Variants in UBQLN4 observed in about 807,000 individuals in gnomAD.
UBQLN4 encodes ubiquilin-4.
Under a neutral mutation model 60.4 loss-of-function variants are expected in UBQLN4, and 11 were observed. The ratio of observed to expected loss-of-function variants is 0.18; its 90% CI spans 0.11 to 0.30. The LOEUF (loss-of-function observed/expected upper bound fraction) is 0.30. Among genes scored for constraint, UBQLN4 ranks in the 10% least tolerant of loss-of-function variants. UBQLN4 has a pLI of 1.00. For synonymous variants in UBQLN4, 258 were observed against 313.1 expected (o/e 0.82, Z 1.86); for missense variants, 417 against 795.5 (o/e 0.52, Z 5.72).
chr1:156,046,391 G>A (rs757206319), intron 5 of UBQLN4, among the ~76,000 whole-genome samples: 6 of 151,270 alleles, frequency 4.0e-5, no homozygotes, highest in Admixed American at 6.6e-5. Context: ...CCAGCTACTC[G>A]GGAGGCTGAG....
At position 156,036,533 on chromosome 1, in the gene UBQLN4, G is replaced by C; in HGVS notation, c.*445C>G. ...AAATTCTAGCATTGGTTGGGCTAGG[G>C]GTTGGGGGGTAGGGAGAAAAAGAAG... is the stretch of plus-strand genomic sequence containing the variant. On this transcript the variant is annotated 3_prime_UTR_variant, in exon 11 of 11. Coordinates refer to ENST00000368309, the MANE Select transcript of UBQLN4 (RefSeq NM_020131.5). 1.0e-6 allele frequency: 1 copy of C among 987,776 alleles called. No homozygotes were observed. The highest frequency in any genetic ancestry group is 1.2e-6 in the Non-Finnish European group (1 of 831,304). The allele number at this position is 987,776 out of a possible 1,614,324, so 61.2% of individuals were successfully genotyped here.
At chr1:156,038,746 A>C (rs1222917725) in intron 10 of UBQLN4, among the ~76,000 whole-genome samples, 1 of 150,734 alleles carries the variant, frequency 6.6e-6, no homozygotes, top group Non-Finnish European at 1.5e-5. Flanking sequence ...GTCTCAAGTG[A>C]TCCTCCTGCC....
downstream of UBQLN4, among the ~76,000 whole-genome samples, chr1:156,034,855 ATATATATATATATAT>A (rs1558083172): frequency 1.8e-5 from 2 of 112,414 alleles, no homozygotes; most frequent in Non-Finnish European, 3.8e-5. Flanking sequence ...ATATATATAT[ATATATATATATATAT>A]AATTTTTTTT....
chr1:156,033,839 C>T (rs957167526), downstream of UBQLN4, among the ~76,000 whole-genome samples: 8 of 144,108 alleles, frequency 5.6e-5, no homozygotes, highest in African/African-American at 2.1e-4. Flanking sequence ...AGTGAAACTC[C>T]ATCTTGAAAA....
chr1:156,038,402 G>C (rs973505461), intron 10 of UBQLN4, among the ~76,000 whole-genome samples: 1 of 147,764 alleles, frequency 6.8e-6, no homozygotes, highest in South Asian at 2.2e-4. Flanking sequence ...GCTCATGCCT[G>C]TAATCCCAGC....
chr1:156,050,026 T>G lies in UBQLN4; in HGVS notation c.741+265A>C, dbSNP rs1224029491. On this transcript the variant is annotated intron_variant, in intron 4 of 10. Coordinates refer to ENST00000368309, the MANE Select transcript of UBQLN4 (RefSeq NM_020131.5). The surrounding 1 kb of genome is among the most constrained non-coding windows in gnomAD (Gnocchi z 4.6). ...AGCCTTAGGGTAGGGTCAGGAGCTCTTCTCTATGCTCCTAGAGGATCCCAT... is the reference window on the plus strand; with the variant it reads ...AGCCTTAGGGTAGGGTCAGGAGCTCGTCTCTATGCTCCTAGAGGATCCCAT... Among the ~76,000 whole-genome samples the G allele has an allele frequency of 6.6e-6, 1 of 152,228 alleles. No individual in the cohort carries two copies. Among genetic ancestry groups the G allele is most frequent in the Non-Finnish European group, 1.5e-5 (1 of 68,038 alleles).
intron 5 of UBQLN4, among the ~76,000 whole-genome samples, chr1:156,045,465 T>C (rs905390610): frequency 2.0e-5 from 3 of 152,266 alleles, no homozygotes; most frequent in Non-Finnish European, 4.4e-5. Flanking sequence ...CTACCCACAG[T>C]GATAACAACC....
chr1:156,042,375 G>C (rs896806420), intron 7 of UBQLN4, 139 bp from the exon 8 acceptor site: 6 of 1,434,626 alleles, frequency 4.2e-6, no homozygotes, highest in African/African-American at 2.9e-5. Flanking sequence ...GTATCCTGAA[G>C]GCCTAAGTGG....
In UBQLN4 at chr1:156,048,779, C is replaced by G; in HGVS notation, c.742-120G>C. 1 of 1,111,692 alleles carries G rather than the reference C, an allele frequency of 9.0e-7. No homozygotes were observed. Among genetic ancestry groups the G allele is most frequent in the Non-Finnish European group, 1.3e-6 (1 of 784,788 alleles). The allele number at this position is 1,111,692 out of a possible 1,614,324, so 68.9% of individuals were successfully genotyped here. A position where few individuals can be genotyped will look rare whatever the true frequency, so the allele number is the denominator to read the frequency against. On this transcript the variant is annotated intron_variant, in intron 4 of 10. Coordinates refer to ENST00000368309, the MANE Select transcript of UBQLN4 (RefSeq NM_020131.5). This position sits in a 1 kb window ranked among gnomAD's most constrained non-coding sequence, Gnocchi z 4.9. The stretch of plus-strand genomic sequence containing the variant: ...ATCAGGACCAGGGCCCAGGAACTGC[C>G]CCACAGTGACAGGGAGTAGAGTAAA...
At chr1:156,047,909 A>G (rs1049038587) in intron 5 of UBQLN4, among the ~76,000 whole-genome samples, 2 of 151,132 alleles carry the variant, frequency 1.3e-5, no homozygotes, top group Non-Finnish European at 3.0e-5. Flanking sequence ...AAAAAAAAAA[A>G]GAAAGAAAGA....
At position 156,048,700 on chromosome 1, in the gene UBQLN4, G is replaced by C; in HGVS notation, c.742-41C>G. ...AGACAAAATGGGCCCCGGAACCAGG[G>C]GAGCACCAACCTAGGAAAAGGGTGG... On this transcript the variant is annotated intron_variant, in intron 4 of 10. Transcript: ENST00000368309. This position sits in a 1 kb window ranked among gnomAD's most constrained non-coding sequence, Gnocchi z 4.9. The C allele has an allele frequency of 6.3e-7, 1 of 1,597,132 alleles. No homozygotes were observed. Among genetic ancestry groups the C allele is most frequent in the South Asian group, 1.1e-5 (1 of 90,322 alleles).
chr1:156,052,775 T>C (rs1683907415), intron 1 of UBQLN4, among the ~76,000 whole-genome samples: 1 of 152,212 alleles, frequency 6.6e-6, no homozygotes, highest in South Asian at 2.1e-4. Flanking sequence ...TTCAGCTTTG[T>C]AGGGAACATA....
chr1:156,052,801 G>A (rs1346412919), intron 1 of UBQLN4, among the ~76,000 whole-genome samples: 1 of 152,156 alleles, frequency 6.6e-6, no homozygotes, highest in African/African-American at 2.4e-5. Flanking sequence ...TTTAAATTCT[G>A]AAATTTAGTA....
In UBQLN4 at chr1:156,048,700, G is replaced by A. The variant is rs1268417838; in HGVS notation, c.742-41C>T. 1.9e-6 allele frequency: 3 copies of A among 1,597,132 alleles called. No individual in the cohort carries two copies. The highest frequency in any genetic ancestry group is 1.7e-5 in the Admixed American group (1 of 59,486). On this transcript the variant is annotated intron_variant, in intron 4 of 10. Coordinates refer to ENST00000368309, the MANE Select transcript of UBQLN4 (RefSeq NM_020131.5). This position sits in a 1 kb window ranked among gnomAD's most constrained non-coding sequence, Gnocchi z 4.9. ...AGACAAAATGGGCCCCGGAACCAGG[G>A]GAGCACCAACCTAGGAAAAGGGTGG...
At chr1:156,052,584 A>G (rs1683901343) in intron 1 of UBQLN4, among the ~76,000 whole-genome samples, 1 of 152,166 alleles carries the variant, frequency 6.6e-6, no homozygotes, top group Non-Finnish European at 1.5e-5. Context: ...TCAGACTCCC[A>G]AAGTGCTGGG....
At chr1:156,051,937 T>C in intron 1 of UBQLN4, 80 bp from the exon 2 acceptor site, 1 of 1,559,388 alleles carries the variant, frequency 6.4e-7, no homozygotes, top group East Asian at 2.3e-5. Context: ...TTCAACACCT[T>C]CTGCACTCTC....
Position 156,044,116 on chromosome 1 carries a change from C to G in UBQLN4, c.1008G>C (p.Ser336=), listed in dbSNP as rs763483446. 6.3e-7 allele frequency: 1 copy of G among 1,585,468 alleles called. No homozygotes were observed. Among genetic ancestry groups the G allele is most frequent in the Non-Finnish European group, 8.6e-7 (1 of 1,166,234 alleles). The stretch of plus-strand genomic sequence containing the variant: ...ACCCGGGGGCCTGGGAGGTGGGGGG[C>G]GAGGGGCTCCAGGGGTTAGGGAGGG... ...REPLPNPWSP[S]PPTSQAPGSG... Residue 336 remains serine, a synonymous_variant, in exon 6 of 11, where the codon TCG becomes TCC. Transcript: ENST00000368309.
In UBQLN4 at chr1:156,036,817, G is replaced by A; in HGVS notation, c.*161C>T. The A allele has an allele frequency of 1.3e-6, 2 of 1,503,226 alleles. No homozygotes were observed. The highest frequency in any genetic ancestry group is 2.7e-5 in the South Asian group (2 of 72,912). 93.1% of individuals were successfully genotyped at this position (1,503,226 alleles called of 1,614,324 possible). A position where few individuals can be genotyped will look rare whatever the true frequency, so the allele number is the denominator to read the frequency against. Reference sequence around the variant, plus strand: ...GCAGTAAAACCATAATTCTCAGACAGAGCTAAGGGGTTGGAGCCCATGCCT... The same window carrying A: ...GCAGTAAAACCATAATTCTCAGACAAAGCTAAGGGGTTGGAGCCCATGCCT... On this transcript the variant is annotated 3_prime_UTR_variant, in exon 11 of 11. Coordinates refer to ENST00000368309, the MANE Select transcript of UBQLN4 (RefSeq NM_020131.5).
chr1:156,048,034 G>C lies in UBQLN4; in HGVS notation c.900+467C>G, dbSNP rs1378084703. Among the ~76,000 whole-genome samples the C allele has an allele frequency of 6.6e-6, 1 of 152,012 alleles. No homozygotes were observed. ...TATTTTTTTGTGTGTACTTGAATAG[G>C]ATTCATAAAGCATTTTTAAAAGTGT... is the stretch of plus-strand genomic sequence containing the variant. On this transcript the variant is annotated intron_variant, in intron 5 of 10. Transcript: ENST00000368309. This position sits in a 1 kb window ranked among gnomAD's most constrained non-coding sequence, Gnocchi z 4.9.
Sources: allele counts gnomAD v4.1 joint callset (sites outside exome capture counted in the v4.1 genomes callset), GRCh38; gene constraint gnomAD v4.1.1; non-coding constraint Gnocchi (gnomAD v3.1); transcripts MANE v1.5; gene names NCBI Gene and HGNC (gene_info 2026-07-23, HGNC 2026-07-21).